SDF2L1: variants seen among roughly 807,000 people sequenced by gnomAD.
The protein encoded by SDF2L1 is stromal cell-derived factor 2-like protein 1.
A neutral mutation model predicts 19.4 loss-of-function variants in SDF2L1; 18 were observed. The ratio of observed to expected loss-of-function variants is 0.93; its 90% CI spans 0.64 to 1.38. SDF2L1 has a LOEUF of 1.38. Ranked by LOEUF, SDF2L1 falls within the 40% of genes most tolerant of loss-of-function variation. The pLI is 0.00. For missense variants in SDF2L1, 263 were observed against 319.4 expected, an observed-to-expected ratio of 0.82 and a Z score of 1.35; for synonymous variants, 161 against 148.9, an observed-to-expected ratio of 1.08 and a Z score of -0.59.
rs2066104442 is a variant in SDF2L1 at position 21,644,165 on chromosome 22, A to G, written c.656A>G (p.Asp219Gly). The change falls in exon 3 of 3, where the codon GAT (aspartate) becomes GGT (glycine). Residue 219 changes from aspartate to glycine, a missense_variant. Around this residue, in one of 3 missense-constraint regions of SDF2L1, gnomAD observed 203 missense variants for 256.9 expected, o/e 0.79. Transcript: ENST00000248958. ...KPSVEPSAGHDEL is the reference protein window; with the variant it reads ...KPSVEPSAGHGEL The stretch of plus-strand genomic sequence containing the variant: ...AGTGTGGAGCCCTCTGCAGGTCACG[A>G]TGAACTCTGAGTGTGTGGATGGATG... The G allele has an allele frequency of 6.2e-7, 1 of 1,613,658 alleles. No individual in the cohort carries two copies. The highest frequency in any genetic ancestry group is 8.5e-7 in the Non-Finnish European group (1 of 1,179,658).
rs1295403525 is a variant in SDF2L1 at position 21,644,020 on chromosome 22, CTG to C, written c.513_514del (p.Val173HisfsTer3). 1 of 1,614,186 alleles carries C rather than the reference CTG, an allele frequency of 6.2e-7. No individual in the cohort carries two copies. Among genetic ancestry groups the C allele is most frequent in the Non-Finnish European group, 8.5e-7 (1 of 1,180,032 alleles). On this transcript the variant is annotated frameshift_variant, in exon 3 of 3. Transcript: ENST00000248958. LOFTEE classifies it high-confidence loss of function. ...RFQHVGTSVF[L>X]SVTGEQYGSP... ...CCAGCATGTGGGCACCTCTGTGTTC[CTG>C]TCAGTCACGGGTGAGCAGTATGGAA...
intron 2 of SDF2L1, among the ~76,000 whole-genome samples, chr22:21,643,654 T>C (rs2066098522): frequency 6.6e-6 from 1 of 151,980 alleles, no homozygotes; most frequent in South Asian, 2.1e-4. Context: ...GGAGGAGGCC[T>C]TAGCTCCGTG....
Position 21,642,525 on chromosome 22 carries a change from T to G in SDF2L1, c.187+2T>G. ...CGCACGACATCAAATACGGATCCGG[T>G]GCGTGGGGCCAGCGACTGGGAGAGC... On this transcript the variant is annotated splice_donor_variant, in intron 1 of 2. Transcript: ENST00000248958. LOFTEE classifies it high-confidence loss of function. 1 of 1,515,588 alleles carries G rather than the reference T, an allele frequency of 6.6e-7. No homozygotes were observed. The highest frequency in any genetic ancestry group is 1.3e-5 in the South Asian group (1 of 79,360). The allele number at this position is 1,515,588 out of a possible 1,614,324, so 93.9% of individuals were successfully genotyped here. A position where few individuals can be genotyped will look rare whatever the true frequency, so the allele number is the denominator to read the frequency against.
At chr22:21,642,742 G>A in intron 1 of SDF2L1, 120 bp from the exon 2 acceptor site, 1 of 1,277,476 alleles carries the variant, frequency 7.8e-7, no homozygotes, top group Non-Finnish European at 1.1e-6. Flanking sequence ...CTGAGGGGGT[G>A]TCAGGCGGGG....
Position 21,643,912 on chromosome 22 carries a change from G to T in SDF2L1, c.403G>T (p.Glu135Ter). 1.2e-6 allele frequency: 2 copies of T among 1,613,246 alleles called. No homozygotes were observed. Among genetic ancestry groups the T allele is most frequent in the East Asian group, 4.5e-5 (2 of 44,854 alleles). ...CCTATAGGAGGTGAGTGCCTTTGGG[G>T]AAGACGGCGAGGGCGACGACCTGGA... ...SNNQEVSAFG[E>*]DGEGDDLDLW... The change falls in exon 3 of 3, where the codon GAA becomes TAA. Residue 135 changes from glutamate to a stop codon, truncating the protein, a stop_gained. Coordinates refer to ENST00000248958, the MANE Select transcript of SDF2L1 (RefSeq NM_022044.3). LOFTEE classifies it high-confidence loss of function.
chr22:21,643,923 G>C lies in SDF2L1; in HGVS notation c.414G>C (p.Glu138Asp). The part of the protein sequence containing the change: ...QEVSAFGEDG[E>D]GDDLDLWTVR... The stretch of plus-strand genomic sequence containing the variant: ...TGAGTGCCTTTGGGGAAGACGGCGA[G>C]GGCGACGACCTGGACCTATGGACAG... Residue 138 changes from glutamate to aspartate, a missense_variant, in exon 3 of 3, where the codon GAG becomes GAC. This residue lies in a region of SDF2L1 where 203 missense variants were observed against 256.9 expected (regional missense o/e 0.79). Coordinates refer to ENST00000248958, the MANE Select transcript of SDF2L1 (RefSeq NM_022044.3). 2 of 1,613,660 alleles carry C rather than the reference G, an allele frequency of 1.2e-6. No individual in the cohort carries two copies. Among genetic ancestry groups the C allele is most frequent in the Non-Finnish European group, 1.7e-6 (2 of 1,179,786 alleles).
rs781535370 is a variant in SDF2L1 at position 21,643,948 on chromosome 22, G to A, written c.439G>A (p.Val147Met). Residue 147 changes from valine (V) to methionine (M), a missense_variant, in exon 3 of 3, where the codon GTG becomes ATG. Val to Met is a conservative substitution (Grantham distance 21). Coordinates refer to ENST00000248958, the MANE Select transcript of SDF2L1 (RefSeq NM_022044.3). ...GGGCGACGACCTGGACCTATGGACA[G>A]TGCGCTGCTCTGGACAGCACTGGGA... is the stretch of plus-strand genomic sequence containing the variant. ...GEGDDLDLWT[V>M]RCSGQHWERE... 5.6e-6 allele frequency: 9 copies of A among 1,614,122 alleles called. No homozygotes were observed. The Admixed American group carries it at 1.5e-4, about 27-fold the overall frequency.
Position 21,644,055 on chromosome 22 carries a change from C to G in SDF2L1, c.546C>G (p.Ile182Met). 6.2e-7 allele frequency: 1 copy of G among 1,614,162 alleles called. No individual in the cohort carries two copies. The highest frequency in any genetic ancestry group is 1.6e-4 in the Middle Eastern group (1 of 6,062). Residue 182 changes from isoleucine (I) to methionine (M), a missense_variant, in exon 3 of 3, where the codon ATC (isoleucine) becomes ATG (methionine). By Grantham distance (10) the Ile-to-Met change is conservative (BLOSUM62 1). Transcript: ENST00000248958. ...SVTGEQYGSP[I>M]RGQHEVHGMP... is the part of the protein sequence containing the mutation. Reference sequence around the variant, plus strand: ...CGGGTGAGCAGTATGGAAGCCCCATCCGTGGGCAGCATGAGGTCCACGGCA... The same window carrying G: ...CGGGTGAGCAGTATGGAAGCCCCATGCGTGGGCAGCATGAGGTCCACGGCA...
chr22:21,642,727 A>C, intron 1 of SDF2L1, 135 bp from the exon 2 acceptor site: 1 of 1,232,774 alleles, frequency 8.1e-7, no homozygotes, highest in Non-Finnish European at 1.1e-6. Flanking sequence ...CTGCGGGCCC[A>C]AAGACTGAGG....
intron 1 of SDF2L1, 88 bp from the exon 2 acceptor site, chr22:21,642,774 T>C: frequency 3.4e-6 from 5 of 1,453,776 alleles, no homozygotes; most frequent in Admixed American, 2.3e-5. Context: ...GCCCTTGGGG[T>C]CCCCTGGGAC....
chr22:21,642,758 G>T, intron 1 of SDF2L1, 104 bp from the exon 2 acceptor site: 1 of 1,386,696 alleles, frequency 7.2e-7, no homozygotes, highest in Admixed American at 2.5e-5. Flanking sequence ...CGGGGGCTGG[G>T]GGTGAGCCCT....
chr22:21,642,632 G>C, intron 1 of SDF2L1, 109 bp downstream of exon 1: 2 of 1,358,282 alleles, frequency 1.5e-6, no homozygotes, highest in South Asian at 2.8e-5. Context: ...GCCGGGCGGC[G>C]GGGGCTCTAG....
chr22:21,642,332 G>A lies in SDF2L1; in HGVS notation c.-5G>A. 2 of 1,365,488 alleles carry A rather than the reference G, an allele frequency of 1.5e-6. No homozygotes were observed. Among genetic ancestry groups the A allele is most frequent in the Non-Finnish European group, 1.9e-6 (2 of 1,067,904 alleles). 84.6% of individuals were successfully genotyped at this position (1,365,488 alleles called of 1,614,324 possible). A position where few individuals can be genotyped will look rare whatever the true frequency, so the allele number is the denominator to read the frequency against. On this transcript the variant is annotated 5_prime_UTR_variant, in exon 1 of 3. Coordinates refer to ENST00000248958, the MANE Select transcript of SDF2L1 (RefSeq NM_022044.3). ...GGCCCGAGGGGCTGGAGCCGGGCCGGGGCGATGTGGAGCGCGGGCCGCGGC... is the reference window on the plus strand; with the variant it reads ...GGCCCGAGGGGCTGGAGCCGGGCCGAGGCGATGTGGAGCGCGGGCCGCGGC...
At chr22:21,643,841 G>C in intron 2 of SDF2L1, 53 bp from the exon 3 acceptor site, 1 of 1,544,100 alleles carries the variant, frequency 6.5e-7, no homozygotes, top group Non-Finnish European at 8.8e-7. Flanking sequence ...TGTACTAGGT[G>C]CGAATGCCGC....
Position 21,642,335 on chromosome 22 carries a change from C to A in SDF2L1, c.-2C>A. The A allele has an allele frequency of 1.5e-6, 2 of 1,367,050 alleles. No individual in the cohort carries two copies. Among genetic ancestry groups the A allele is most frequent in the East Asian group, 3.1e-5 (1 of 32,252 alleles). 84.7% of individuals were successfully genotyped at this position (1,367,050 alleles called of 1,614,324 possible). A position where few individuals can be genotyped will look rare whatever the true frequency, so the allele number is the denominator to read the frequency against. On this transcript the variant is annotated 5_prime_UTR_variant, in exon 1 of 3. Coordinates refer to ENST00000248958, the MANE Select transcript of SDF2L1 (RefSeq NM_022044.3). ...CCGAGGGGCTGGAGCCGGGCCGGGGCGATGTGGAGCGCGGGCCGCGGCGGG... is the reference window on the plus strand; with the variant it reads ...CCGAGGGGCTGGAGCCGGGCCGGGGAGATGTGGAGCGCGGGCCGCGGCGGG...
At chr22:21,643,098 G>T in intron 2 of SDF2L1, 40 bp downstream of exon 2, 1 of 1,542,708 alleles carries the variant, frequency 6.5e-7, no homozygotes, top group Non-Finnish European at 8.8e-7. Flanking sequence ...CTCCTGGCCT[G>T]TGTGAGGGGC....
intron 2 of SDF2L1, 185 bp downstream of exon 2, chr22:21,643,243 C>CCGGCCCGGCAGGGAGAACGA: frequency 1.4e-6 from 1 of 701,374 alleles, no homozygotes; most frequent in Middle Eastern, 4.1e-4. Flanking sequence ...TCAGGTGCTC[C>CCGGCCCGGCAGGGAGAACGA]CGGCCCGGCA....
chr22:21,644,002 G>A lies in SDF2L1; in HGVS notation c.493G>A (p.Val165Met), dbSNP rs2066102507. Residue 165 changes from valine to methionine, a missense_variant, in exon 3 of 3, where the codon GTG (valine) becomes ATG (methionine). Physicochemically the swap from Val to Met is conservative, Grantham distance 21. This residue lies in a region of SDF2L1 where 203 missense variants were observed against 256.9 expected (regional missense o/e 0.79). Coordinates refer to ENST00000248958, the MANE Select transcript of SDF2L1 (RefSeq NM_022044.3). The stretch of plus-strand genomic sequence containing the variant: ...TGAGGCTGCTGTGCGCTTCCAGCAT[G>A]TGGGCACCTCTGTGTTCCTGTCAGT... Reference protein sequence around the residue: ...EREAAVRFQHVGTSVFLSVTG... With the variant: ...EREAAVRFQHMGTSVFLSVTG... 1.2e-6 allele frequency: 2 copies of A among 1,614,210 alleles called. No homozygotes were observed. The highest frequency in any genetic ancestry group is 1.3e-5 in the African/African-American group (1 of 75,048).
chr22:21,643,068 T>A lies in SDF2L1; in HGVS notation c.384+10T>A. Reference sequence around the variant, plus strand: ...GCTGTCCAACAACCAGGTGAGCCCCTCCCGGAGCCCCCAGAGAGACTCCTG... The same window carrying A: ...GCTGTCCAACAACCAGGTGAGCCCCACCCGGAGCCCCCAGAGAGACTCCTG... On this transcript the variant is annotated intron_variant, in intron 2 of 2. Coordinates refer to ENST00000248958, the MANE Select transcript of SDF2L1 (RefSeq NM_022044.3). 1 of 1,551,674 alleles carries A rather than the reference T, an allele frequency of 6.4e-7. No individual in the cohort carries two copies.
Sources: allele counts gnomAD v4.1 joint callset (sites outside exome capture counted in the v4.1 genomes callset), GRCh38; gene constraint gnomAD v4.1.1; regional missense constraint gnomAD v4.1.1; transcripts MANE v1.5; gene names NCBI Gene and HGNC (gene_info 2026-07-23, HGNC 2026-07-21).